Variants in COMMD6 observed in about 807,000 individuals in gnomAD.
COMMD6 encodes the protein COMM domain-containing protein 6.
COMMD6 carries 11 observed loss-of-function variants against 13.4 expected under a neutral mutation model. The ratio of observed to expected loss-of-function variants is 0.82; its 90% CI spans 0.52 to 1.36. The LOEUF (loss-of-function observed/expected upper bound fraction) is 1.36, where lower values mean the gene tolerates loss of function less well. Among genes scored for constraint, COMMD6 ranks in the 40% most tolerant of loss-of-function variants. The pLI, the probability that COMMD6 is intolerant of heterozygous loss-of-function variation, is 0.00. For missense variants in COMMD6, 124 were observed against 102.4 expected (o/e 1.21, Z -0.91); for synonymous variants, 43 against 36.5 (o/e 1.18, Z -0.64).
intron 2 of COMMD6, among the ~76,000 whole-genome samples, chr13:75,531,339 G>T (rs2030473097): frequency 6.6e-6 from 1 of 152,120 alleles, no homozygotes; most frequent in Admixed American, 6.6e-5. Context: ...AACCATAAAA[G>T]TTATATAACC....
At position 75,526,629 on chromosome 13, in the gene COMMD6, C is replaced by T. The variant is rs778288291; in HGVS notation, c.218G>A (p.Arg73Lys). The change falls in exon 4 of 4, where the codon AGA becomes AAA. Residue 73 changes from arginine (R) to lysine (K), a missense_variant. By Grantham distance (26) the Arg-to-Lys change is conservative (BLOSUM62 2). Coordinates refer to ENST00000682242, the MANE Select transcript of COMMD6 (RefSeq NM_203495.4). ...AACTGCAGCAATTTCCTTGAACTGT[C>T]TGTAGAAATTCTGGAGAGAAAGGGG... Reference protein sequence around the residue: ...MTIPQFQNFYRQFKEIAAVIE... With the variant: ...MTIPQFQNFYKQFKEIAAVIE... 1.9e-6 allele frequency: 3 copies of T among 1,603,688 alleles called. No individual in the cohort carries two copies. The highest frequency in any genetic ancestry group is 2.6e-6 in the Non-Finnish European group (3 of 1,173,594).
upstream of COMMD6, chr13:75,538,017 G>A (rs1479603600): frequency 2.1e-6 from 1 of 473,368 alleles, no homozygotes; most frequent in African/African-American, 2.0e-5. Flanking sequence ...ATGGAAAAAG[G>A]CCAAAGATTT....
intron 3 of COMMD6, among the ~76,000 whole-genome samples, chr13:75,526,944 G>A (rs4884006): frequency 0.96 from 146,792 of 152,304 alleles, 70,751 homozygotes; most frequent in East Asian, 1. Context: ...GAAAATAAAA[G>A]CAAAAATAAC....
rs200492308 is a variant in COMMD6, at chr13:75,531,093, C to CT, written c.55-828dup. 6.6e-5 allele frequency among the ~76,000 whole-genome samples: 10 copies of CT among 152,338 alleles called. No individual in the cohort carries two copies. The East Asian group carries it at 1.9e-3, about 29-fold the overall frequency. On this transcript the variant is annotated intron_variant, in intron 2 of 3. Coordinates refer to ENST00000682242, the MANE Select transcript of COMMD6 (RefSeq NM_203495.4). ...CACTCAAAAAGTACTTGCTCACTGA[C>CT]TGATACCTTTTTCTACAAAACTAAT...
chr13:75,538,686 CTAAT>C (rs1566201040), upstream of COMMD6: 3 of 152,170 alleles, frequency 2.0e-5, no homozygotes, highest in Admixed American at 2.0e-4. Context: ...ATACTATTCT[CTAAT>C]AAATAAGTCA....
At chr13:75,543,852 G>A (rs2030860947) in intron 1 of COMMD6, among the ~76,000 whole-genome samples, 5 of 152,178 alleles carry the variant, frequency 3.3e-5, no homozygotes, top group Admixed American at 1.3e-4. Context: ...AGGTTATGTA[G>A]ATCATACATT....
intron 2 of COMMD6, chr13:75,530,531 T>C (rs747937306): frequency 6.3e-5 from 16 of 255,504 alleles, no homozygotes; most frequent in Non-Finnish European, 8.1e-5. Context: ...TCCCCTCCAA[T>C]GTATAACGGA....
chr13:75,540,344 C>CCCCACACA (rs372640334), upstream of COMMD6, among the ~76,000 whole-genome samples: 16 of 147,382 alleles, frequency 1.1e-4, no homozygotes, highest in South Asian at 2.6e-3. Flanking sequence ...ACACACACAC[C>CCCCACACA]CACACACACA....
chr13:75,545,270 C>G lies in COMMD6; in HGVS notation n.106+4053G>C, dbSNP rs150304465. 3.5e-4 allele frequency among the ~76,000 whole-genome samples: 54 copies of G among 152,238 alleles called. No homozygotes were observed. In the East Asian group the frequency reaches 0.01, roughly 29 times the overall value. On this transcript the variant is annotated intron_variant and non_coding_transcript_variant, in intron 1 of 2. Transcript: ENST00000460675. ...GTTACAGGTATACAGAGAGACTGAC[C>G]CCGCCCAACCCCACAGCCCTAGGGG...
chr13:75,548,168 G>A (rs1018843037), intron 1 of COMMD6, among the ~76,000 whole-genome samples: 1 of 152,236 alleles, frequency 6.6e-6, no homozygotes, highest in Non-Finnish European at 1.5e-5. Flanking sequence ...AGCAGCCCCT[G>A]GCATGCACTG....
At chr13:75,527,836 T>A (rs757679651) in intron 3 of COMMD6, 1 of 1,510,692 alleles carries the variant, frequency 6.6e-7, no homozygotes, top group Admixed American at 2.0e-5. Context: ...AGACTGGAGG[T>A]TGCCAGGAGC....
chr13:75,529,984 T>G (rs1593954602), intron 3 of COMMD6, 130 bp downstream of exon 3: 2 of 667,098 alleles, frequency 3.0e-6, no homozygotes, highest in Non-Finnish European at 5.1e-6. Flanking sequence ...CATATACTAC[T>G]AGTAAACGTA....
Position 75,526,625 on chromosome 13 carries a change from C to A in COMMD6, c.222G>T (p.Gln74His), listed in dbSNP as rs753567573. 12 of 1,604,814 alleles carry A rather than the reference C, an allele frequency of 7.5e-6. No individual in the cohort carries two copies. Among genetic ancestry groups the A allele is most frequent in the Non-Finnish European group, 9.4e-6 (11 of 1,174,320 alleles). Residue 74 changes from glutamine (Q) to histidine (H), a missense_variant, in exon 4 of 4, where the codon CAG becomes CAT. By Grantham distance (24) the Gln-to-His change is conservative. Coordinates refer to ENST00000682242, the MANE Select transcript of COMMD6 (RefSeq NM_203495.4). ...CAATAACTGCAGCAATTTCCTTGAA[C>A]TGTCTGTAGAAATTCTGGAGAGAAA... ...TIPQFQNFYR[Q>H]FKEIAAVIET...
upstream of COMMD6, among the ~76,000 whole-genome samples, chr13:75,538,407 C>T (rs555535133): frequency 5.7e-4 from 87 of 152,210 alleles, no homozygotes; most frequent in Non-Finnish European, 1.1e-3. Context: ...CAGGAAGTAT[C>T]CACAGTGATG....
chr13:75,540,345 CACA>C (rs2030807598), upstream of COMMD6, among the ~76,000 whole-genome samples: 1 of 8,268 alleles, frequency 1.2e-4, no homozygotes, highest in Non-Finnish European at 2.5e-4. Flanking sequence ...CACACACACC[CACA>C]CACACACACA....
intron 3 of COMMD6, 88 bp downstream of exon 3, chr13:75,530,026 A>G: frequency 1.9e-6 from 2 of 1,056,930 alleles, no homozygotes; most frequent in Non-Finnish European, 2.8e-6. Context: ...AAAACCATTA[A>G]AGTTTTCCCG....
chr13:75,543,518 G>A (rs1039229265), upstream of COMMD6, among the ~76,000 whole-genome samples: 7 of 152,150 alleles, frequency 4.6e-5, no homozygotes, highest in Non-Finnish European at 8.8e-5. Context: ...CTAAATGTAT[G>A]GTAATTTGTT....
In COMMD6 at chr13:75,531,763, G is replaced by C. The variant is rs138335791; in HGVS notation, c.55-1497C>G. On this transcript the variant is annotated intron_variant, in intron 2 of 3. Transcript: ENST00000682242. ...ATGGGAAGTGTCACATGCTGTTGGTGAAAGTGTAAACTGGGCCAATCTATC... is the reference window on the plus strand; with the variant it reads ...ATGGGAAGTGTCACATGCTGTTGGTCAAAGTGTAAACTGGGCCAATCTATC... Among the ~76,000 whole-genome samples, 44 of 152,300 alleles carry C rather than the reference G, an allele frequency of 2.9e-4. No homozygotes were observed. The East Asian group carries it at 7.7e-3, about 27-fold the overall frequency.
At chr13:75,536,795 A>C (rs2030678109) in intron 2 of COMMD6, among the ~76,000 whole-genome samples, 1 of 152,256 alleles carries the variant, frequency 6.6e-6, no homozygotes, top group African/African-American at 2.4e-5. Flanking sequence ...TCAACTTTAA[A>C]AACCCCATAA....
Sources: allele counts gnomAD v4.1 joint callset (sites outside exome capture counted in the v4.1 genomes callset), GRCh38; gene constraint gnomAD v4.1.1; transcripts MANE v1.5; gene names NCBI Gene and HGNC (gene_info 2026-07-23, HGNC 2026-07-21).